MAPK9: variants seen among roughly 807,000 people sequenced by gnomAD.
The protein encoded by MAPK9 is Jun kinase.
In MAPK9, 30 loss-of-function variants were observed where a neutral mutation model predicts 57.1. The observed-to-expected ratio is 0.53, with a 90% CI of 0.39 to 0.71. The LOEUF is 0.71. Ranked by LOEUF, MAPK9 falls within the 30% of genes least tolerant of loss-of-function variation. MAPK9 has a pLI of 0.00. For synonymous variants in MAPK9, 155 were observed against 177.0 expected (o/e 0.88, Z 0.99); for missense variants, 362 against 521.0 (o/e 0.69, Z 2.97).
intron 5 of MAPK9, among the ~76,000 whole-genome samples, 185 bp from the exon 6 acceptor site, chr5:180,249,323 A>C (rs1226490845): frequency 6.6e-6 from 1 of 152,230 alleles, no homozygotes; most frequent in Non-Finnish European, 1.5e-5. Flanking sequence ...TAAAGCCGTC[A>C]GATGGTGCCC....
At chr5:180,253,428 A>G (rs1398840883) in intron 5 of MAPK9, 2 of 152,400 alleles carry the variant, frequency 1.3e-5, no homozygotes, top group Admixed American at 6.5e-5. Flanking sequence ...GCCAACCTCT[A>G]TAAATGGCCA....
At position 180,243,716 on chromosome 5, in the gene MAPK9, G is replaced by A. The variant is rs535218921; in HGVS notation, c.689-961C>T. 5.3e-5 allele frequency among the ~76,000 whole-genome samples: 8 copies of A among 152,236 alleles called. No individual in the cohort carries two copies. The South Asian group carries it at 1.7e-3, about 32-fold the overall frequency. ...GACCCGCTCAGGAAATGTGTTTCTG[G>A]CATTCAATTCACTAGCAAATTCTCC... On this transcript the variant is annotated intron_variant, in intron 7 of 11. Coordinates refer to ENST00000452135, the MANE Select transcript of MAPK9 (RefSeq NM_002752.5).
At position 180,247,338 on chromosome 5, in the gene MAPK9, A is replaced by T; in HGVS notation, c.688+101T>A. ...CCCCTTAGAACACAGTCTGGAGTGG[A>T]TTTTACGACTTTGTCCTCGTGAGCG... On this transcript the variant is annotated intron_variant, in intron 7 of 11. Coordinates refer to ENST00000452135, the MANE Select transcript of MAPK9 (RefSeq NM_002752.5). This position sits in a 1 kb window ranked among gnomAD's most constrained non-coding sequence, Gnocchi z 4.5. 1 of 1,374,142 alleles carries T rather than the reference A, an allele frequency of 7.3e-7. No individual in the cohort carries two copies. The highest frequency in any genetic ancestry group is 1.2e-5 in the South Asian group (1 of 84,576). The allele number at this position is 1,374,142 out of a possible 1,614,324, so 85.1% of individuals were successfully genotyped here.
intron 5 of MAPK9, among the ~76,000 whole-genome samples, chr5:180,258,554 A>G (rs979285423): frequency 4.6e-5 from 7 of 152,190 alleles, no homozygotes; most frequent in Non-Finnish European, 7.3e-5. Flanking sequence ...ATTGGAGAGA[A>G]ATCCTATAAC....
intron 5 of MAPK9, among the ~76,000 whole-genome samples, chr5:180,258,676 C>T (rs1183585572): frequency 6.6e-6 from 1 of 151,928 alleles, no homozygotes; most frequent in Non-Finnish European, 1.5e-5. Context: ...AGGCTTCAGT[C>T]GGTTCAGTTA....
At chr5:180,254,124 G>A (rs181259046) in intron 5 of MAPK9, among the ~76,000 whole-genome samples, 15 of 152,140 alleles carry the variant, frequency 9.9e-5, no homozygotes, top group East Asian at 1.9e-4. Flanking sequence ...CTGCCACCAC[G>A]CCCAGCTAAT....
chr5:180,250,193 A>C (rs990089498), intron 5 of MAPK9, among the ~76,000 whole-genome samples: 2 of 152,170 alleles, frequency 1.3e-5, no homozygotes, highest in Non-Finnish European at 1.5e-5. Flanking sequence ...GCGAGCAGAC[A>C]CTTGGGAAGT....
intron 10 of MAPK9, among the ~76,000 whole-genome samples, chr5:180,239,271 G>A (rs528072992): frequency 1.3e-5 from 2 of 152,352 alleles, no homozygotes; most frequent in Non-Finnish European, 2.9e-5. Context: ...ACATTAGCAC[G>A]TTGCAAGCAT....
At position 180,245,340 on chromosome 5, in the gene MAPK9, T is replaced by G. The variant is rs1468967569; in HGVS notation, c.688+2099A>C. Reference sequence around the variant, plus strand: ...CTCTCCTCTGGATGATGGCAGCCTCTGCTCTGTTCTCCTGCTCTGCCCTGC... The same window carrying G: ...CTCTCCTCTGGATGATGGCAGCCTCGGCTCTGTTCTCCTGCTCTGCCCTGC... On this transcript the variant is annotated intron_variant, in intron 7 of 11. Transcript: ENST00000452135. 2.6e-5 allele frequency among the ~76,000 whole-genome samples: 4 copies of G among 152,330 alleles called. No individual in the cohort carries two copies. The East Asian group carries it at 7.7e-4, about 29-fold the overall frequency.
intron 5 of MAPK9, among the ~76,000 whole-genome samples, chr5:180,253,964 T>TC (rs1554123058): frequency 4.1e-4 from 2 of 4,858 alleles, no homozygotes; most frequent in Non-Finnish European, 1.7e-3. Context: ...CTTCAATCTC[T>TC]TTTTTTTTTT....
chr5:180,238,405 T>A lies in MAPK9; in HGVS notation c.1061-2A>T. 6.3e-7 allele frequency: 1 copy of A among 1,599,018 alleles called. No homozygotes were observed. Among genetic ancestry groups the A allele is most frequent in the Non-Finnish European group, 8.6e-7 (1 of 1,166,822 alleles). On this transcript the variant is annotated splice_acceptor_variant, in intron 10 of 11. Transcript: ENST00000452135. LOFTEE classifies it high-confidence loss of function. ...CCATGACTTCTTTGTAAATTAGCTC[T>A]TTAATAAAAATACAAGTTAAAATGC...
intron 9 of MAPK9, among the ~76,000 whole-genome samples, chr5:180,240,778 T>C (rs1312936376): frequency 6.6e-6 from 1 of 152,208 alleles, no homozygotes; most frequent in African/African-American, 2.4e-5. Context: ...AACTATGAGC[T>C]CACAGCAGCA....
chr5:180,248,996 A>G lies in MAPK9; in HGVS notation c.593T>C (p.Leu198Pro). Reference protein sequence around the residue: ...TRYYRAPEVILGMGYKENVDI... With the variant: ...TRYYRAPEVIPGMGYKENVDI... ...ACCGTTCTCTTTGTAGCCCATACCCAGGATGACTTCGGGCGCCCGGTAGTA... is the reference window on the plus strand; with the variant it reads ...ACCGTTCTCTTTGTAGCCCATACCCGGGATGACTTCGGGCGCCCGGTAGTA... Residue 198 changes from leucine (L) to proline (P), a missense_variant, in exon 6 of 12, where the codon CTG becomes CCG. Leu to Pro is a moderately conservative substitution (Grantham distance 98). Coordinates refer to ENST00000452135, the MANE Select transcript of MAPK9 (RefSeq NM_002752.5). 6.2e-7 allele frequency: 1 copy of G among 1,613,136 alleles called. No individual in the cohort carries two copies. Among genetic ancestry groups the G allele is most frequent in the South Asian group, 1.1e-5 (1 of 90,980 alleles).
chr5:180,269,425 A>G lies in MAPK9; in HGVS notation c.123-16T>C, dbSNP rs755305082. The G allele has an allele frequency of 2.5e-6, 4 of 1,611,674 alleles. No individual in the cohort carries two copies. The highest frequency in any genetic ancestry group is 4.5e-5 in the East Asian group (2 of 44,814). On this transcript the variant is annotated splice_polypyrimidine_tract_variant and intron_variant, in intron 2 of 11. Coordinates refer to ENST00000452135, the MANE Select transcript of MAPK9 (RefSeq NM_002752.5). ...AAATGCAGCACTAGAATTAGGAAAT[A>G]TAATGCACAATCCATTAGAACGGTT...
In MAPK9 at chr5:180,245,721, C is replaced by T. The variant is rs1010659602; in HGVS notation, c.688+1718G>A. Among the ~76,000 whole-genome samples, 3 of 152,350 alleles carry T rather than the reference C, an allele frequency of 2.0e-5. No individual in the cohort carries two copies. In the East Asian group the frequency reaches 5.8e-4, roughly 29 times the overall value. ...AGAGGCCCTAAATTTCTCAAGGATGCATGGCTGCCAAGGGGAGGAGTCTGA... is the reference window on the plus strand; with the variant it reads ...AGAGGCCCTAAATTTCTCAAGGATGTATGGCTGCCAAGGGGAGGAGTCTGA... On this transcript the variant is annotated intron_variant, in intron 7 of 11. Transcript: ENST00000452135.
At chr5:180,255,318 T>C (rs1291706291) in intron 5 of MAPK9, among the ~76,000 whole-genome samples, 3 of 151,654 alleles carry the variant, frequency 2.0e-5, no homozygotes, top group Non-Finnish European at 4.4e-5. Context: ...AAGCAAGGAA[T>C]CCAACATGGG....
intron 5 of MAPK9, among the ~76,000 whole-genome samples, chr5:180,251,989 A>C (rs964704341): frequency 7.9e-5 from 12 of 152,138 alleles, no homozygotes; most frequent in African/African-American, 2.9e-4. Context: ...GGGTAAGAAC[A>C]GCCAGGCACT....
chr5:180,268,512 T>C (rs1277309384), intron 3 of MAPK9, among the ~76,000 whole-genome samples: 7 of 152,240 alleles, frequency 4.6e-5, no homozygotes, highest in Non-Finnish European at 8.8e-5. Context: ...TCTTTCTAGC[T>C]TTGATTTCCT....
chr5:180,288,673 C>T (rs1215390834), intron 1 of MAPK9, among the ~76,000 whole-genome samples: 1 of 152,188 alleles, frequency 6.6e-6, no homozygotes, highest in East Asian at 1.9e-4. Context: ...CCCACTGCTC[C>T]GAGCTACCCT....
Sources: allele counts gnomAD v4.1 joint callset (sites outside exome capture counted in the v4.1 genomes callset), GRCh38; gene constraint gnomAD v4.1.1; non-coding constraint Gnocchi (gnomAD v3.1); transcripts MANE v1.5; gene names NCBI Gene and HGNC (gene_info 2026-07-23, HGNC 2026-07-21).